The following RSF1 variants were observed in gnomAD, a reference collection of about 807,000 sequenced individuals.
RSF1 encodes remodeling and spacing factor 1.
In RSF1, 13 loss-of-function variants were observed where a neutral mutation model predicts 145.2. The ratio of observed to expected loss-of-function variants is 0.09; its 90% CI spans 0.06 to 0.14. RSF1 has a LOEUF of 0.14. RSF1 is among the 10% of genes least tolerant of loss of function. RSF1 has a pLI of 1.00. For synonymous variants in RSF1, 577 were observed against 592.6 expected, an observed-to-expected ratio of 0.97 and a Z score of 0.38; for missense variants, 1,517 against 1,718.2, an observed-to-expected ratio of 0.88 and a Z score of 2.07.
At chr11:77,834,645 C>T in the RSF1 span, among the ~76,000 whole-genome samples, 1 of 151,932 alleles carries the variant, frequency 6.6e-6, no homozygotes, top group Admixed American at 6.6e-5. Flanking sequence ...GAACTCCTGA[C>T]CTCAGGTGAT....
rs1336952748 is a variant in RSF1, at chr11:77,740,897, T to C, written c.412A>G (p.Lys138Glu). The C allele has an allele frequency of 1.2e-6, 2 of 1,614,090 alleles. No individual in the cohort carries two copies. The highest frequency in any genetic ancestry group is 8.5e-7 in the Non-Finnish European group (1 of 1,179,990). ...ECQFDDNLKF[K>E]NIINEEDADT... ...GCATCCTCCTCATTAATAATATTCT[T>C]GAATTTGAGATTGTCATCAAACTGA... Residue 138 changes from lysine (K) to glutamate (E), a missense_variant, in exon 4 of 16, where the codon AAG (lysine) becomes GAG (glutamate). Lys to Glu is a moderately conservative substitution (Grantham distance 56). Around this residue, in one of 12 missense-constraint regions of RSF1, gnomAD observed 94 missense variants for 143.6 expected, o/e 0.65. Coordinates refer to ENST00000308488, the MANE Select transcript of RSF1 (RefSeq NM_016578.4).
intron 1 of RSF1, among the ~76,000 whole-genome samples, chr11:77,810,918 G>C (rs1360173940): frequency 2.0e-5 from 3 of 152,130 alleles, no homozygotes; most frequent in African/African-American, 7.2e-5. Flanking sequence ...TTCAGGTTTT[G>C]GGTTTTGTTT....
At chr11:77,811,937 G>A (rs893410668) in intron 1 of RSF1, among the ~76,000 whole-genome samples, 2 of 152,178 alleles carry the variant, frequency 1.3e-5, no homozygotes, top group African/African-American at 4.8e-5. Context: ...ACTTGGGGAG[G>A]CTGAGTCAGG....
intron 4 of RSF1, among the ~76,000 whole-genome samples, chr11:77,727,548 C>G (rs1258116999): frequency 2.2e-5 from 3 of 136,052 alleles, no homozygotes; most frequent in Non-Finnish European, 3.0e-5. Context: ...AGGATCTTGG[C>G]TCACTGCAAC....
chr11:77,734,369 A>C (rs1961285681), intron 4 of RSF1: 1 of 758,340 alleles, frequency 1.3e-6, no homozygotes, highest in South Asian at 1.5e-5. Flanking sequence ...ACTTAGGTGG[A>C]TGTTTTGGTA....
chr11:77,764,562 C>T (rs765830361), intron 2 of RSF1, 36 bp downstream of exon 2: 6 of 1,097,912 alleles, frequency 5.5e-6, no homozygotes, highest in African/African-American at 1.6e-5. Flanking sequence ...AGTAATATTT[C>T]AGTAATAGAG....
At chr11:77,699,406 C>T (rs1960358927) in intron 6 of RSF1, among the ~76,000 whole-genome samples, 1 of 73,550 alleles carries the variant, frequency 1.4e-5, no homozygotes, top group African/African-American at 5.5e-5. Context: ...CAAAATAAGT[C>T]TAACAACAAA....
intron 1 of RSF1, among the ~76,000 whole-genome samples, chr11:77,819,990 G>T (rs988047831): frequency 1.6e-4 from 24 of 152,204 alleles, no homozygotes; most frequent in African/African-American, 5.1e-4. Context: ...CCCAACAGAG[G>T]GAGGGAGAGT....
chr11:77,725,392 T>C (rs182131020), intron 5 of RSF1, among the ~76,000 whole-genome samples, 153 bp downstream of exon 5: 22 of 152,336 alleles, frequency 1.4e-4, no homozygotes, highest in African/African-American at 5.3e-4. Context: ...TTGGCCTCAT[T>C]TTCTTTAAAT....
intron 5 of RSF1, among the ~76,000 whole-genome samples, chr11:77,713,489 A>G (rs1318506954): frequency 6.6e-6 from 1 of 152,188 alleles, no homozygotes; most frequent in East Asian, 1.9e-4. Context: ...CTTTCTTCAA[A>G]GCCCTGTAAT....
chr11:77,680,113 GGGATTAC>G (rs1410490451), intron 11 of RSF1, among the ~76,000 whole-genome samples: 1 of 152,080 alleles, frequency 6.6e-6, no homozygotes, highest in African/African-American at 2.4e-5. Context: ...TGAAGAGGGT[GGGATTAC>G]GGGCACACAA....
chr11:77,809,489 G>A (rs146806413), intron 1 of RSF1, among the ~76,000 whole-genome samples: 69 of 152,246 alleles, frequency 4.5e-4, no homozygotes, highest in Admixed American at 8.5e-4. Context: ...TAGTTATCAT[G>A]GTGAATACAA....
At chr11:77,693,427 T>A (rs1450073381) in intron 8 of RSF1, 80 bp downstream of exon 8, 1 of 844,872 alleles carries the variant, frequency 1.2e-6, no homozygotes, top group Non-Finnish European at 2.0e-6. Context: ...AGGTTAAAAA[T>A]ATTCATTCAG....
chr11:77,695,789 C>T (rs1427532960), intron 7 of RSF1, among the ~76,000 whole-genome samples: 2 of 152,088 alleles, frequency 1.3e-5, no homozygotes, highest in African/African-American at 4.8e-5. Flanking sequence ...CAGAGGACAG[C>T]GCTAAGATAT....
intron 1 of RSF1, among the ~76,000 whole-genome samples, chr11:77,803,622 T>C (rs1234244945): frequency 6.7e-6 from 1 of 150,020 alleles, no homozygotes; most frequent in South Asian, 2.1e-4. Flanking sequence ...CTACTAAAAA[T>C]ACAAAAATTA....
chr11:77,811,047 T>A (rs1026689200), intron 1 of RSF1, among the ~76,000 whole-genome samples: 1 of 152,170 alleles, frequency 6.6e-6, no homozygotes, highest in South Asian at 2.1e-4. Context: ...TGAGCCACCA[T>A]ACCCAGCCCA....
At position 77,692,479 on chromosome 11, in the gene RSF1, C is replaced by T. The variant is rs1269940466; in HGVS notation, c.2820+1028G>A. Among the ~76,000 whole-genome samples the T allele has an allele frequency of 6.2e-5, 8 of 128,572 alleles. 1 individual carries two copies. Among genetic ancestry groups the T allele is most frequent in the Non-Finnish European group, 8.0e-5 (5 of 62,148 alleles). The allele number at this position is 128,572 out of a possible 152,430, so 84.3% of individuals were successfully genotyped here. On this transcript the variant is annotated intron_variant, in intron 8 of 15. Coordinates refer to ENST00000308488, the MANE Select transcript of RSF1 (RefSeq NM_016578.4). ...CAGGATGGTCTCGATCTCCTGACCTCGTGATCCGCCCGCCTCGGCCTCCCA... is the reference window on the plus strand; with the variant it reads ...CAGGATGGTCTCGATCTCCTGACCTTGTGATCCGCCCGCCTCGGCCTCCCA...
At chr11:77,674,222 C>T (rs1022377757) in intron 14 of RSF1, among the ~76,000 whole-genome samples, 2 of 152,142 alleles carry the variant, frequency 1.3e-5, no homozygotes, top group Non-Finnish European at 2.9e-5. Context: ...AAAAAACCCA[C>T]AAGGATGGCC....
At chr11:77,863,503 C>G in the RSF1 span, among the ~76,000 whole-genome samples, 1 of 152,232 alleles carries the variant, frequency 6.6e-6, no homozygotes, top group Non-Finnish European at 1.5e-5. Flanking sequence ...ATTCTTGTGC[C>G]TCAGCCTCCT....
Sources: gnomAD v4.1 joint callset for allele counts (sites outside exome capture counted in the v4.1 genomes callset) on GRCh38, gnomAD v4.1.1 for gene constraint, gnomAD v4.1.1 regional missense constraint, MANE v1.5 for transcripts, NCBI Gene and HGNC (gene_info 2026-07-23, HGNC 2026-07-21) for gene names.